The following INTS1 variants were observed in gnomAD, a reference collection of about 807,000 sequenced individuals.
The protein encoded by INTS1 is integrator complex subunit 1.
A neutral mutation model predicts 241.6 loss-of-function variants in INTS1; 137 were observed. The observed-to-expected ratio is 0.57, with a 90% CI of 0.49 to 0.65. The LOEUF (loss-of-function observed/expected upper bound fraction) is 0.65. INTS1 is among the 30% of genes least tolerant of loss of function. INTS1 has a pLI of 0.00. For synonymous variants in INTS1, 1,692 were observed against 1,337.8 expected, an observed-to-expected ratio of 1.26 and a Z score of -5.78; for missense variants, 3,073 against 3,032.2, an observed-to-expected ratio of 1.01 and a Z score of -0.32.
chr7:1,494,297 G>A (rs549459191), intron 14 of INTS1, among the ~76,000 whole-genome samples: 3 of 152,352 alleles, frequency 2.0e-5, no homozygotes, highest in East Asian at 1.9e-4. Context: ...CCGGAAGGCC[G>A]CAGTGAAGGT....
At chr7:1,496,499 C>T (rs1448639215) in intron 11 of INTS1, among the ~76,000 whole-genome samples, 2 of 152,028 alleles carry the variant, frequency 1.3e-5, no homozygotes, top group African/African-American at 4.8e-5. Context: ...GGGAGCCCCA[C>T]TCCACAAACA....
At position 1,470,865 on chromosome 7, in the gene INTS1, C is replaced by T. The variant is rs1398216646; in HGVS notation, c.6438G>A (p.Glu2146=). 2 of 1,592,798 alleles carry T rather than the reference C, an allele frequency of 1.3e-6. No individual in the cohort carries two copies. The highest frequency in any genetic ancestry group is 1.7e-6 in the Non-Finnish European group (2 of 1,170,610). ...VVQTALRNLP[E]YALLCQEHAA... ...CCTCACCTTGGCACAGGAGAGCGTA[C>T]TCAGGCAGGTTCCGGAGGGCCGTCT... Residue 2146 remains glutamate, a synonymous_variant, in exon 47 of 48, where the codon GAG becomes GAA. Coordinates refer to ENST00000404767, the MANE Select transcript of INTS1 (RefSeq NM_001080453.3).
intron 22 of INTS1, 28 bp from the exon 23 acceptor site, chr7:1,485,497 G>A (rs753927303): frequency 2.2e-5 from 36 of 1,605,786 alleles, no homozygotes; most frequent in Non-Finnish European, 2.7e-5. Flanking sequence ...GAGCTGGGCC[G>A]GCTTTCGGCA....
intron 22 of INTS1, 64 bp downstream of exon 22, chr7:1,486,561 G>T (rs191796992): frequency 6.5e-7 from 1 of 1,533,766 alleles, no homozygotes. Flanking sequence ...CACCGTGCCC[G>T]GTCCCCAGCC....
rs564954390 is a variant in INTS1 at position 1,481,551 on chromosome 7, C to T, written c.3704-63G>A. 56 of 1,523,558 alleles carry T rather than the reference C, an allele frequency of 3.7e-5. No individual in the cohort carries two copies. In the South Asian group the frequency reaches 6.0e-4, roughly 16 times the overall value. The allele number at this position is 1,523,558 out of a possible 1,614,324, so 94.4% of individuals were successfully genotyped here. ...CGGGCAATGCGCACTCGGGACCCCA[C>T]CCGAGACCTGGGGCTGCCTGTGTGC... On this transcript the variant is annotated intron_variant, in intron 27 of 47. Transcript: ENST00000404767. This position sits in a 1 kb window ranked among gnomAD's most constrained non-coding sequence, Gnocchi z 6.8.
In INTS1 at chr7:1,483,499, C is replaced by G; in HGVS notation, c.3541+243G>C. 1.0e-5 allele frequency: 6 copies of G among 576,296 alleles called. No individual in the cohort carries two copies. The South Asian group carries it at 1.1e-4, about 11-fold the overall frequency. The allele number at this position is 576,296 out of a possible 1,614,324, so 35.7% of individuals were successfully genotyped here. A position where few individuals can be genotyped will look rare whatever the true frequency, so the allele number is the denominator to read the frequency against. On this transcript the variant is annotated intron_variant, in intron 26 of 47. Coordinates refer to ENST00000404767, the MANE Select transcript of INTS1 (RefSeq NM_001080453.3). ...CCCCAGGCTGTACCAGGCCCTCCAG[C>G]TCAGGGCTCTACAGGCTGGGAGGTC...
chr7:1,478,542 G>A, intron 32 of INTS1, 36 bp from the exon 33 acceptor site: 1 of 1,598,892 alleles, frequency 6.3e-7, no homozygotes, highest in Middle Eastern at 2.2e-4. Flanking sequence ...TGTGGCTCCA[G>A]CCCTCACCCC....
At position 1,500,463 on chromosome 7, in the gene INTS1, A is replaced by G. The variant is rs6963239; in HGVS notation, c.350-97T>C. 3,538 of 1,332,448 alleles carry G rather than the reference A, an allele frequency of 2.7e-3. 84 individuals carry two copies. In the African/African-American group the frequency reaches 0.046, roughly 17 times the overall value. The allele number at this position is 1,332,448 out of a possible 1,614,324, so 82.5% of individuals were successfully genotyped here. On this transcript the variant is annotated intron_variant, in intron 3 of 47. Transcript: ENST00000404767. Reference sequence around the variant, plus strand: ...AGACCACGAGGAACCCAGAGCTCTCAGGGTCGGCCCTGCCAGGGACCAGCG... The same window carrying G: ...AGACCACGAGGAACCCAGAGCTCTCGGGGTCGGCCCTGCCAGGGACCAGCG...
At position 1,489,599 on chromosome 7, in the gene INTS1, T is replaced by C. The variant is rs11542329; in HGVS notation, c.2249A>G (p.Glu750Gly). ...GGCCAGCAGAGGCTCACCGATGTTC[T>C]CTGGGTTGAATGCGGCGACGACCAG... ...LLLVVAAFNPENIGLAAWEEY... is the reference protein window; with the variant it reads ...LLLVVAAFNPGNIGLAAWEEY... The change falls in exon 17 of 48, where the codon GAG becomes GGG. Residue 750 changes from glutamate (E) to glycine (G), a missense_variant. Glu to Gly is a moderately conservative substitution (Grantham distance 98, BLOSUM62 -2). Transcript: ENST00000404767. The C allele has an allele frequency of 6.3e-7, 1 of 1,586,280 alleles. No individual in the cohort carries two copies. The highest frequency in any genetic ancestry group is 8.6e-7 in the Non-Finnish European group (1 of 1,165,222).
In INTS1 at chr7:1,497,380, C is replaced by A. The variant is rs1375899323; in HGVS notation, c.1426-66G>T. On this transcript the variant is annotated intron_variant, in intron 10 of 47. Transcript: ENST00000404767. This position sits in a 1 kb window ranked among gnomAD's most constrained non-coding sequence, Gnocchi z 5.3. ...GCTGTCCCTGTCACAGGCCCCTTCC[C>A]GCAGCACCAACAGGTATGGCGCCCG... The A allele has an allele frequency of 1.3e-5, 20 of 1,522,230 alleles. No homozygotes were observed. The Admixed American group carries it at 3.6e-4, about 27-fold the overall frequency. 94.3% of individuals were successfully genotyped at this position (1,522,230 alleles called of 1,614,324 possible).
rs532637934 is a variant in INTS1, at chr7:1,485,628, G to A, written c.2977-159C>T. ...GCAGGTAAAAGGGAAAAACGAGACT[G>A]AGCTCTTTCTGTTAAATGCTTCTGT... is the stretch of plus-strand genomic sequence containing the variant. On this transcript the variant is annotated intron_variant, in intron 22 of 47. Coordinates refer to ENST00000404767, the MANE Select transcript of INTS1 (RefSeq NM_001080453.3). 16 of 704,116 alleles carry A rather than the reference G, an allele frequency of 2.3e-5. No individual in the cohort carries two copies. In the East Asian group the frequency reaches 4.4e-4, roughly 19 times the overall value. 43.6% of individuals were successfully genotyped at this position (704,116 alleles called of 1,614,324 possible). A position where few individuals can be genotyped will look rare whatever the true frequency, so the allele number is the denominator to read the frequency against.
At chr7:1,502,854 G>T (rs73040943) in intron 3 of INTS1, 47 bp downstream of exon 3, 1 of 1,601,084 alleles carries the variant, frequency 6.2e-7, no homozygotes, top group East Asian at 2.2e-5. Flanking sequence ...CCTGATGGAC[G>T]GCATGAGCTG....
At chr7:1,473,447 C>T in intron 42 of INTS1, 119 bp downstream of exon 42, 1 of 1,290,898 alleles carries the variant, frequency 7.7e-7, no homozygotes, top group South Asian at 1.4e-5. Context: ...GCTCAGCAGC[C>T]CTCCCCGGCC....
At chr7:1,498,943 G>GGGGCC in intron 8 of INTS1, 32 bp downstream of exon 8, 84 of 1,070,610 alleles carry the variant, frequency 7.8e-5, no homozygotes, top group Middle Eastern at 3.3e-4. Flanking sequence ...CCCACCCCCT[G>GGGGCC]CCCCGCCCAC....
rs1322173102 is a variant in INTS1, at chr7:1,487,003, C to T, written c.2745G>A (p.Leu915=). The part of the protein sequence containing the change: ...LPVQCLCEFL[L]HDAVDDAASG... ...AAGCAGCATCGTCCACAGCATCGTG[C>T]AGCAGGAACTCGCACAGACACTGCA... The change falls in exon 21 of 48, where the codon CTG becomes CTA. Residue 915 remains leucine, a synonymous_variant. Coordinates refer to ENST00000404767, the MANE Select transcript of INTS1 (RefSeq NM_001080453.3). The T allele has an allele frequency of 9.3e-6, 15 of 1,606,878 alleles. No individual in the cohort carries two copies. The highest frequency in any genetic ancestry group is 1.2e-5 in the Non-Finnish European group (14 of 1,178,764).
rs780766216 is a variant in INTS1 at position 1,485,451 on chromosome 7, A to G, written c.2995T>C (p.Ser999Pro). 33 of 1,612,368 alleles carry G rather than the reference A, an allele frequency of 2.0e-5. No homozygotes were observed. The highest frequency in any genetic ancestry group is 5.0e-5 in the Admixed American group (3 of 59,994). The part of the protein sequence containing the change: ...LAMKGLSLVL[S>P]EGSLRDGEEK... The stretch of plus-strand genomic sequence containing the variant: ...TCCCCGTCCCGCAGGCTGCCCTCCG[A>G]AAGCACCAGCGACAAACCCTGTGGC... Residue 999 changes from serine to proline, a missense_variant, in exon 23 of 48, where the codon TCG (serine) becomes CCG (proline). Transcript: ENST00000404767.
chr7:1,476,493 G>GCCTCTCCCGGATGGGCCACC, intron 37 of INTS1, 38 bp from the exon 38 acceptor site: 1 of 1,190,078 alleles, frequency 8.4e-7, no homozygotes, highest in Non-Finnish European at 1.2e-6. Flanking sequence ...GAGCACCACC[G>GCCTCTCCCGGATGGGCCACC]CCTCTCCCGG....
chr7:1,471,337 T>C (rs1584252888), intron 45 of INTS1, 113 bp from the exon 46 acceptor site: 1 of 1,163,624 alleles, frequency 8.6e-7, no homozygotes, highest in Non-Finnish European at 1.2e-6. Flanking sequence ...CCTAGGCCCC[T>C]ATCCAGAAGG....
intron 3 of INTS1, chr7:1,501,407 C>G (rs1583167562): frequency 6.6e-6 from 1 of 152,246 alleles, no homozygotes; most frequent in South Asian, 2.1e-4. Flanking sequence ...AATAAATTTC[C>G]TGATGCCGAG....
Sources: allele counts gnomAD v4.1 joint callset (sites outside exome capture counted in the v4.1 genomes callset), GRCh38; gene constraint gnomAD v4.1.1; non-coding constraint Gnocchi (gnomAD v3.1); transcripts MANE v1.5; gene names NCBI Gene and HGNC (gene_info 2026-07-23, HGNC 2026-07-21).